The following SGSM1 variants were observed in gnomAD, a reference collection of about 807,000 sequenced individuals.
SGSM1 encodes the protein RUN and TBC1 domain containing 2.
In SGSM1, 73 loss-of-function variants were observed where a neutral mutation model predicts 133.8. The ratio of observed to expected loss-of-function variants is 0.55; its 90% confidence interval spans 0.45 to 0.66. The LOEUF (loss-of-function observed/expected upper bound fraction) is 0.66, where lower values mean the gene tolerates loss of function less well. Among genes scored for constraint, SGSM1 ranks in the 30% least tolerant of loss-of-function variants. The pLI is 0.00. For synonymous variants in SGSM1, 563 were observed against 573.0 expected, an observed-to-expected ratio of 0.98 and a Z score of 0.25; for missense variants, 1,213 against 1,448.1, an observed-to-expected ratio of 0.84 and a Z score of 2.64.
chr22:24,877,506 A>G (rs1187809765), intron 13 of SGSM1, among the ~76,000 whole-genome samples: 2 of 151,986 alleles, frequency 1.3e-5, no homozygotes, highest in East Asian at 3.9e-4. Flanking sequence ...CCCTGGTCCA[A>G]CCTGGCCTGG....
intron 8 of SGSM1, chr22:24,856,202 C>G (rs1326402646): frequency 3.4e-6 from 1 of 297,588 alleles, no homozygotes; most frequent in Admixed American, 4.8e-5. Context: ...CATATGGTAG[C>G]AAGATCTTCA....
rs753407511 is a variant in SGSM1, at chr22:24,901,995, T to C, written c.2735+38T>C. The C allele has an allele frequency of 1.7e-3, 80 of 47,466 alleles. 2 individuals carry two copies. The African/African-American group carries it at 0.027, about 16-fold the overall frequency. The allele number at this position is 47,466 out of a possible 1,614,324, so 2.9% of individuals were successfully genotyped here. A position where few individuals can be genotyped will look rare whatever the true frequency, so the allele number is the denominator to read the frequency against. On this transcript the variant is annotated intron_variant, in intron 20 of 24. Transcript: ENST00000400358. ...AGCGAGGGGATCTAGGGGATGGGGATGGTGGGTGGGTGGGATGGGGGATGT... is the reference window on the plus strand; with the variant it reads ...AGCGAGGGGATCTAGGGGATGGGGACGGTGGGTGGGTGGGATGGGGGATGT...
At chr22:24,814,569 G>A (rs1457798978) in intron 2 of SGSM1, among the ~76,000 whole-genome samples, 1 of 151,828 alleles carries the variant, frequency 6.6e-6, no homozygotes, top group Non-Finnish European at 1.5e-5. Context: ...ACAACAGCAA[G>A]GGCCTCAATT....
intron 4 of SGSM1, among the ~76,000 whole-genome samples, chr22:24,848,318 C>T (rs1044352707): frequency 6.6e-6 from 1 of 152,036 alleles, no homozygotes; most frequent in Non-Finnish European, 1.5e-5. Flanking sequence ...TGCAAGGCAA[C>T]CAAAGTTTGA....
At chr22:24,810,937 T>C (rs1217630233) in intron 2 of SGSM1, among the ~76,000 whole-genome samples, 1 of 152,220 alleles carries the variant, frequency 6.6e-6, no homozygotes, top group Non-Finnish European at 1.5e-5. Flanking sequence ...GCAGTTTTAC[T>C]GTGACCCAGT....
chr22:24,897,157 A>C (rs1932937349), intron 18 of SGSM1, among the ~76,000 whole-genome samples: 1 of 151,858 alleles, frequency 6.6e-6, no homozygotes, highest in Non-Finnish European at 1.5e-5. Context: ...AGGTGGGCAG[A>C]TCACCTGAGG....
chr22:24,900,272 A>ACCT (rs1601972300), intron 19 of SGSM1, among the ~76,000 whole-genome samples: 1 of 151,210 alleles, frequency 6.6e-6, no homozygotes, highest in South Asian at 2.1e-4. Context: ...ACCCGCTGTG[A>ACCT]CCTCCCAGAG....
intron 16 of SGSM1, among the ~76,000 whole-genome samples, chr22:24,891,087 G>A (rs188357131): frequency 2.5e-4 from 38 of 152,300 alleles, no homozygotes; most frequent in Non-Finnish European, 4.0e-4. Context: ...AAGGCCTGCC[G>A]TCTCTTTGTT....
At chr22:24,874,238 G>T (rs533341476) in intron 12 of SGSM1, among the ~76,000 whole-genome samples, 39 of 152,152 alleles carry the variant, frequency 2.6e-4, no homozygotes, top group Non-Finnish European at 2.9e-4. Context: ...GCGCATAGTT[G>T]GCACTTTATA....
intron 2 of SGSM1, among the ~76,000 whole-genome samples, chr22:24,835,653 C>G (rs751685144): frequency 3.9e-5 from 6 of 152,078 alleles, no homozygotes; most frequent in Non-Finnish European, 8.8e-5. Flanking sequence ...GGGAAAAGAG[C>G]ATTCCAGGCA....
At chr22:24,824,556 A>C (rs888295382) in intron 2 of SGSM1, among the ~76,000 whole-genome samples, 4 of 151,976 alleles carry the variant, frequency 2.6e-5, no homozygotes, top group African/African-American at 9.7e-5. Flanking sequence ...TAATAGATTT[A>C]AAAATTAAAA....
chr22:24,905,087 C>G lies in SGSM1; in HGVS notation c.2736-18C>G. 8 of 1,612,614 alleles carry G rather than the reference C, an allele frequency of 5.0e-6. No homozygotes were observed. Among genetic ancestry groups the G allele is most frequent in the African/African-American group, 2.7e-5 (2 of 75,002 alleles). ...GCAGGCCACGGCTGCCATCATTGGC[C>G]CCTTGTGTCTCTTCTAGCTACATCT... On this transcript the variant is annotated intron_variant, in intron 20 of 24. Transcript: ENST00000400358.
chr22:24,910,071 C>T (rs1157984234), intron 21 of SGSM1, among the ~76,000 whole-genome samples: 2 of 152,090 alleles, frequency 1.3e-5, no homozygotes, highest in Non-Finnish European at 2.9e-5. Context: ...AAACATAATG[C>T]TAAGTGAAAG....
At chr22:24,845,642 C>T (rs900622781) in intron 3 of SGSM1, among the ~76,000 whole-genome samples, 2 of 152,226 alleles carry the variant, frequency 1.3e-5, no homozygotes, top group Non-Finnish European at 2.9e-5. Context: ...TAATTCCCCT[C>T]CCGTGATCTT....
chr22:24,922,866 G>A (rs189724884), intron 24 of SGSM1, among the ~76,000 whole-genome samples: 3 of 152,300 alleles, frequency 2.0e-5, no homozygotes, highest in East Asian at 3.9e-4. Flanking sequence ...AGTGGCTTAC[G>A]CCTATAATCT....
intron 9 of SGSM1, among the ~76,000 whole-genome samples, chr22:24,861,148 T>G: frequency 6.8e-6 from 1 of 147,640 alleles, no homozygotes; most frequent in African/African-American, 2.5e-5. Context: ...AGGTCAGGAG[T>G]TCAAGACCAG....
intron 2 of SGSM1, among the ~76,000 whole-genome samples, chr22:24,821,493 G>T (rs1928467598): frequency 6.6e-6 from 1 of 152,332 alleles, no homozygotes. Context: ...TGCGAGACAG[G>T]CCAGGGACAG....
chr22:24,884,411 T>A (rs73393712), intron 15 of SGSM1, among the ~76,000 whole-genome samples: 1,733 of 152,274 alleles, frequency 0.011, 25 homozygotes, highest in African/African-American at 0.039. Context: ...AGGTAAAACA[T>A]ATGCTCACCT....
intron 2 of SGSM1, among the ~76,000 whole-genome samples, chr22:24,834,940 G>A (rs564537919): frequency 6.6e-6 from 1 of 151,838 alleles, no homozygotes; most frequent in Non-Finnish European, 1.5e-5. Context: ...GATTGTATTC[G>A]CGTGATGTTG....
Sources: gnomAD v4.1 joint callset for allele counts (sites outside exome capture counted in the v4.1 genomes callset) on GRCh38, gnomAD v4.1.1 for gene constraint, MANE v1.5 for transcripts, NCBI Gene and HGNC (gene_info 2026-07-23, HGNC 2026-07-21) for gene names.